SEC22B: variants seen among roughly 807,000 people sequenced by gnomAD.
The protein encoded by SEC22B is vesicle-trafficking protein SEC22b.
A neutral mutation model predicts 31.4 loss-of-function variants in SEC22B; 10 were observed. That is an observed-to-expected ratio of 0.32 (90% CI 0.20 to 0.54). The LOEUF (loss-of-function observed/expected upper bound fraction) is 0.54, where lower values mean the gene tolerates loss of function less well. Among genes scored for constraint, SEC22B ranks in the 20% least tolerant of loss-of-function variants. The probability of loss-of-function intolerance (pLI) is 0.94; values close to 1 mark genes in which losing one functional copy is unlikely to be tolerated. For missense variants in SEC22B, 130 were observed against 263.4 expected (o/e 0.49, Z 3.50); for synonymous variants, 60 against 95.9 (o/e 0.63, Z 2.19).
In SEC22B at chr1:120,155,732, C is replaced by T. The variant is rs1657619561; in HGVS notation, c.*1306G>A. 1 of 151,854 alleles carries T rather than the reference C, an allele frequency of 6.6e-6. No individual in the cohort carries two copies. Among genetic ancestry groups the T allele is most frequent in the African/African-American group, 2.4e-5 (1 of 41,322 alleles). The allele number at this position is 151,854 out of a possible 1,614,324, so 9.4% of individuals were successfully genotyped here. On this transcript the variant is annotated 3_prime_UTR_variant, in exon 5 of 5. Transcript: ENST00000578049. The stretch of plus-strand genomic sequence containing the variant: ...CAGGAATTTTAAGTTATATTGCAGA[C>T]CCTGGCAATAATATTTAAAAGGCCT...
intron 1 of SEC22B, 47 bp from the exon 2 acceptor site, chr1:120,168,996 T>C (rs1330040796): frequency 3.0e-6 from 2 of 660,578 alleles, no homozygotes; most frequent in Non-Finnish European, 4.6e-6. Flanking sequence ...AAATGCTGTA[T>C]CAATTAGTGA....
chr1:120,155,318 T>TA lies in SEC22B; in HGVS notation c.*1719dup, dbSNP rs1294192756. 12 of 150,888 alleles carry TA rather than the reference T, an allele frequency of 8.0e-5. No individual in the cohort carries two copies. The highest frequency in any genetic ancestry group is 1.6e-4 in the Non-Finnish European group (11 of 67,488). 9.3% of individuals were successfully genotyped at this position (150,888 alleles called of 1,614,324 possible). A position where few individuals can be genotyped will look rare whatever the true frequency, so the allele number is the denominator to read the frequency against. On this transcript the variant is annotated 3_prime_UTR_variant, in exon 5 of 5. Coordinates refer to ENST00000578049, the MANE Select transcript of SEC22B (RefSeq NM_004892.6). ...GAAGCTCCAAATACTATGGTACCAC[T>TA]ATGTAGGTTTTCAGCCTTTCAAAGG...
In SEC22B at chr1:120,153,280, C is replaced by T. The variant is rs71527388; in HGVS notation, c.*3758G>A. 6.7e-6 allele frequency: 1 copy of T among 148,242 alleles called. No homozygotes were observed. The highest frequency in any genetic ancestry group is 2.6e-5 in the African/African-American group (1 of 38,288). 9.2% of individuals were successfully genotyped at this position (148,242 alleles called of 1,614,324 possible). ...ACCAACCAACCAAACAAAAGAAAAA[C>T]CCACCAGGTAGGAGTCAGTTAGTTC... On this transcript the variant is annotated 3_prime_UTR_variant, in exon 5 of 5. Transcript: ENST00000578049.
At position 120,176,515 on chromosome 1, in the gene SEC22B, T is replaced by G; in HGVS notation, c.-134A>C. 1 of 795,524 alleles carries G rather than the reference T, an allele frequency of 1.3e-6. No homozygotes were observed. Among genetic ancestry groups the G allele is most frequent in the Non-Finnish European group, 2.0e-6 (1 of 494,250 alleles). 49.3% of individuals were successfully genotyped at this position (795,524 alleles called of 1,614,324 possible). A position where few individuals can be genotyped will look rare whatever the true frequency, so the allele number is the denominator to read the frequency against. ...AGCTGCTTGCGTCTCCGCTTCCCGCTGAGGTGGCCGGAAACAGCGCAAGAG... is the reference window on the plus strand; with the variant it reads ...AGCTGCTTGCGTCTCCGCTTCCCGCGGAGGTGGCCGGAAACAGCGCAAGAG... On this transcript the variant is annotated 5_prime_UTR_variant, in exon 1 of 5. Coordinates refer to ENST00000578049, the MANE Select transcript of SEC22B (RefSeq NM_004892.6).
rs1657630806 is a variant in SEC22B, at chr1:120,156,636, A to G, written c.*402T>C. The G allele has an allele frequency of 6.7e-6, 1 of 148,326 alleles. No individual in the cohort carries two copies. The highest frequency in any genetic ancestry group is 2.5e-5 in the African/African-American group (1 of 39,870). The allele number at this position is 148,326 out of a possible 1,614,324, so 9.2% of individuals were successfully genotyped here. A position where few individuals can be genotyped will look rare whatever the true frequency, so the allele number is the denominator to read the frequency against. ...AAAAAAAAAAAAAAAACACCTTCCC[A>G]AAGGACTGCCTTCTTTGAAGGAATT... On this transcript the variant is annotated 3_prime_UTR_variant, in exon 5 of 5. Transcript: ENST00000578049.
At chr1:120,166,418 C>CAT (rs1306862661) in intron 2 of SEC22B, among the ~76,000 whole-genome samples, 6 of 151,272 alleles carry the variant, frequency 4.0e-5, no homozygotes, top group Non-Finnish European at 7.4e-5. Context: ...CACACACACA[C>CAT]ACACACACAC....
At chr1:120,161,897 C>T (rs1657724639) in intron 3 of SEC22B, among the ~76,000 whole-genome samples, 1 of 134,948 alleles carries the variant, frequency 7.4e-6, no homozygotes, top group South Asian at 2.3e-4. Context: ...TTGCTTTCTG[C>T]ACTGGGAAGC....
chr1:120,175,721 A>G (rs1460134486), intron 1 of SEC22B, among the ~76,000 whole-genome samples: 2 of 152,214 alleles, frequency 1.3e-5, no homozygotes, highest in Non-Finnish European at 2.9e-5. Flanking sequence ...AGGAAACTCA[A>G]GTTATTGAAA....
chr1:120,151,641 C>T lies in SEC22B; in HGVS notation c.*5397G>A, dbSNP rs12024494. ...AGATCGCGCCACTGCACTCTAGCCTCGGCGACAGAGCAAGACTAAAAATAA... is the reference window on the plus strand; with the variant it reads ...AGATCGCGCCACTGCACTCTAGCCTTGGCGACAGAGCAAGACTAAAAATAA... On this transcript the variant is annotated 3_prime_UTR_variant, in exon 5 of 5. Coordinates refer to ENST00000578049, the MANE Select transcript of SEC22B (RefSeq NM_004892.6). 2 of 147,562 alleles carry T rather than the reference C, an allele frequency of 1.4e-5. No homozygotes were observed. The highest frequency in any genetic ancestry group is 3.0e-5 in the Non-Finnish European group (2 of 67,044). The allele number at this position is 147,562 out of a possible 1,614,324, so 9.1% of individuals were successfully genotyped here.
chr1:120,159,814 A>T (rs1176161759), intron 4 of SEC22B, among the ~76,000 whole-genome samples: 1 of 152,104 alleles, frequency 6.6e-6, no homozygotes. Context: ...TGGCTACAGA[A>T]GAATGTTTGT....
At chr1:120,166,139 T>C (rs1657803788) in intron 2 of SEC22B, among the ~76,000 whole-genome samples, 1 of 147,292 alleles carries the variant, frequency 6.8e-6, no homozygotes. Flanking sequence ...AGTCAATAAA[T>C]GCTGTTGAGG....
rs1306772271 is a variant in SEC22B at position 120,152,067 on chromosome 1, A to AT, written c.*4970_*4971insA. Reference sequence around the variant, plus strand: ...ATTCAAAACAGATATATATGAAGCAAAAAACTTGGGCCCAAAAAACAAGTT... The same window carrying AT: ...ATTCAAAACAGATATATATGAAGCAATAAAACTTGGGCCCAAAAAACAAGTT... On this transcript the variant is annotated 3_prime_UTR_variant, in exon 5 of 5. Coordinates refer to ENST00000578049, the MANE Select transcript of SEC22B (RefSeq NM_004892.6). 6.6e-6 allele frequency: 1 copy of AT among 152,250 alleles called. No individual in the cohort carries two copies. Among genetic ancestry groups the AT allele is most frequent in the Non-Finnish European group, 1.5e-5 (1 of 68,068 alleles). 9.4% of individuals were successfully genotyped at this position (152,250 alleles called of 1,614,324 possible).
intron 2 of SEC22B, among the ~76,000 whole-genome samples, chr1:120,167,704 C>T (rs1657833889): frequency 6.6e-6 from 1 of 151,754 alleles, no homozygotes; most frequent in South Asian, 2.1e-4. Flanking sequence ...ATGCAGGACT[C>T]AATATAAGGT....
intron 4 of SEC22B, chr1:120,157,797 G>A (rs1319248206): frequency 2.6e-5 from 4 of 151,482 alleles, no homozygotes; most frequent in African/African-American, 9.8e-5. Flanking sequence ...TCTCCACATA[G>A]TAGAGACTAC....
At chr1:120,167,491 T>C (rs1468358409) in intron 2 of SEC22B, among the ~76,000 whole-genome samples, 1 of 152,006 alleles carries the variant, frequency 6.6e-6, no homozygotes, top group Non-Finnish European at 1.5e-5. Context: ...GAAACTTCTT[T>C]ATATATACTC....
At chr1:120,175,574 ATCTT>A (rs1657944544) in intron 1 of SEC22B, among the ~76,000 whole-genome samples, 1 of 152,128 alleles carries the variant, frequency 6.6e-6, no homozygotes. Flanking sequence ...AACACAAAAC[ATCTT>A]TCTTTTAAGA....
At chr1:120,159,344 C>G (rs1280395759) in intron 4 of SEC22B, 1 of 152,010 alleles carries the variant, frequency 6.6e-6, no homozygotes, top group African/African-American at 2.4e-5. Context: ...GTGGGAAGAT[C>G]GCTTGAACCC....
At chr1:120,161,252 C>G (rs1657713108) in intron 3 of SEC22B, among the ~76,000 whole-genome samples, 1 of 152,132 alleles carries the variant, frequency 6.6e-6, no homozygotes, top group African/African-American at 2.4e-5. Flanking sequence ...TTATTACAGC[C>G]TAACATGGCA....
intron 1 of SEC22B, among the ~76,000 whole-genome samples, chr1:120,171,493 A>G (rs1657893819): frequency 9.4e-6 from 1 of 106,018 alleles, no homozygotes; most frequent in Non-Finnish European, 1.7e-5. Context: ...GCCAACCAAC[A>G]CCTTACCATG....
Sources: allele counts gnomAD v4.1 joint callset (sites outside exome capture counted in the v4.1 genomes callset), GRCh38; gene constraint gnomAD v4.1.1; transcripts MANE v1.5; gene names NCBI Gene and HGNC (gene_info 2026-07-23, HGNC 2026-07-21).